The following CRTC3 variants were observed in gnomAD, a reference collection of about 807,000 sequenced individuals.
CRTC3 encodes the protein CREB regulated transcription coactivator 3.
In CRTC3, 26 loss-of-function variants were observed where a neutral mutation model predicts 74.5. The observed-to-expected ratio is 0.35, with a 90% CI of 0.26 to 0.48. The LOEUF is 0.48. Ranked by LOEUF, CRTC3 falls within the 20% of genes least tolerant of loss-of-function variation. The pLI is 0.99. For missense variants in CRTC3, 760 were observed against 787.3 expected (o/e 0.97, Z 0.41); for synonymous variants, 377 against 325.8 (o/e 1.16, Z -1.69).
intron 2 of CRTC3, among the ~76,000 whole-genome samples, chr15:90,574,837 A>T (rs769145657): frequency 6.6e-6 from 1 of 152,016 alleles, no homozygotes; most frequent in Non-Finnish European, 1.5e-5. Flanking sequence ...CATTTGTATT[A>T]TGTTTACCGT....
At chr15:90,589,191 G>A (rs1482257045) in intron 2 of CRTC3, among the ~76,000 whole-genome samples, 2 of 151,454 alleles carry the variant, frequency 1.3e-5, no homozygotes, top group African/African-American at 4.9e-5. Context: ...TGAGTAGCTA[G>A]GATTACAGGC....
At chr15:90,633,225 GCCTGGTTATCTATATGTATCT>G (rs972848479) in intron 11 of CRTC3, among the ~76,000 whole-genome samples, 58 of 151,786 alleles carry the variant, frequency 3.8e-4, no homozygotes, top group Non-Finnish European at 1.2e-4. Context: ...TTTTTTATTA[GCCTGGTTATCTATATGTATCT>G]ATGTGTATGA....
At chr15:90,544,485 T>C (rs1432804824) in intron 2 of CRTC3, among the ~76,000 whole-genome samples, 1 of 152,232 alleles carries the variant, frequency 6.6e-6, no homozygotes, top group East Asian at 1.9e-4. Flanking sequence ...CAGTAGTTCA[T>C]TTCTTTTTAT....
intron 2 of CRTC3, among the ~76,000 whole-genome samples, chr15:90,561,495 C>T (rs1022867825): frequency 6.6e-6 from 1 of 152,198 alleles, no homozygotes; most frequent in Non-Finnish European, 1.5e-5. Flanking sequence ...GTGCAGCTTT[C>T]AAGAGAGGCA....
chr15:90,613,336 C>CTAA (rs1968411686), intron 6 of CRTC3, among the ~76,000 whole-genome samples: 1 of 152,194 alleles, frequency 6.6e-6, no homozygotes, highest in Non-Finnish European at 1.5e-5. Context: ...CTTTCAGTCA[C>CTAA]TTACTTAGAG....
intron 2 of CRTC3, among the ~76,000 whole-genome samples, chr15:90,572,471 A>G (rs1967294049): frequency 6.6e-6 from 1 of 152,216 alleles, no homozygotes; most frequent in Non-Finnish European, 1.5e-5. Flanking sequence ...AAATTAAGGT[A>G]GATATTACCG....
chr15:90,630,156 A>T (rs1968985278), intron 11 of CRTC3, among the ~76,000 whole-genome samples: 1 of 152,220 alleles, frequency 6.6e-6, no homozygotes, highest in Non-Finnish European at 1.5e-5. Context: ...AGAGAATGCC[A>T]TCCAGGTAAG....
chr15:90,549,970 C>G (rs1731389964), intron 2 of CRTC3, among the ~76,000 whole-genome samples: 1 of 150,494 alleles, frequency 6.6e-6, no homozygotes, highest in Non-Finnish European at 1.5e-5. Context: ...TCCCAAAGTG[C>G]TGGGATTACA....
chr15:90,607,198 G>A lies in CRTC3; in HGVS notation c.477-180G>A, dbSNP rs1968245198. On this transcript the variant is annotated intron_variant, in intron 5 of 14. Transcript: ENST00000268184. ...AGTTAAAATATTCTGGAGTGTGGGC[G>A]ATCCTCAGAGGCTGTTAATTGATAT... Among the ~76,000 whole-genome samples, 6 of 152,332 alleles carry A rather than the reference G, an allele frequency of 3.9e-5. No homozygotes were observed. In the South Asian group the frequency reaches 6.2e-4, roughly 16 times the overall value.
intron 2 of CRTC3, among the ~76,000 whole-genome samples, chr15:90,569,029 G>A (rs1967193329): frequency 6.6e-6 from 1 of 150,888 alleles, no homozygotes; most frequent in African/African-American, 2.4e-5. Context: ...GTTTCTCCCG[G>A]TCACCCAGGC....
At chr15:90,601,247 A>G (rs1968061027) in intron 3 of CRTC3, among the ~76,000 whole-genome samples, 1 of 152,154 alleles carries the variant, frequency 6.6e-6, no homozygotes, top group African/African-American at 2.4e-5. Flanking sequence ...ATATGCTCCA[A>G]GGCATGGTAG....
chr15:90,595,722 T>G (rs182194384), intron 3 of CRTC3: 1 of 152,204 alleles, frequency 6.6e-6, no homozygotes, highest in South Asian at 2.1e-4. Flanking sequence ...ACGGTCTAAA[T>G]GTATAAGCAT....
chr15:90,568,574 C>T (rs1331168361), intron 2 of CRTC3, among the ~76,000 whole-genome samples: 1 of 151,074 alleles, frequency 6.6e-6, no homozygotes. Flanking sequence ...TGGTCTTGAA[C>T]TCCTGGCCTT....
At chr15:90,611,139 G>C (rs776292841) in intron 6 of CRTC3, among the ~76,000 whole-genome samples, 3 of 152,200 alleles carry the variant, frequency 2.0e-5, no homozygotes, top group Non-Finnish European at 2.9e-5. Flanking sequence ...GGCAAAAAGA[G>C]TGTCACCCAG....
Position 90,642,610 on chromosome 15 carries a change from A to G in CRTC3, c.*470A>G, listed in dbSNP as rs3743403. 60,193 of 254,846 alleles carry G rather than the reference A, an allele frequency of 0.24. 9,209 individuals carry two copies. The highest frequency in any genetic ancestry group is 0.5 in the African/African-American group (22,598 of 45,570). 15.8% of individuals were successfully genotyped at this position (254,846 alleles called of 1,614,324 possible). On this transcript the variant is annotated 3_prime_UTR_variant, in exon 15 of 15. Coordinates refer to ENST00000268184, the MANE Select transcript of CRTC3 (RefSeq NM_022769.5). ...CTCGATGCCTGCTCTGACCTGACCC[A>G]GAGGGCGAGGCCCTCCAGCGGGGGA...
chr15:90,609,890 G>T (rs553839512), intron 6 of CRTC3, among the ~76,000 whole-genome samples: 1 of 152,340 alleles, frequency 6.6e-6, no homozygotes, highest in African/African-American at 2.4e-5. Flanking sequence ...TTTCAAATCA[G>T]CAGTTAGAAA....
intron 2 of CRTC3, among the ~76,000 whole-genome samples, chr15:90,545,650 C>T (rs1305740827): frequency 1.3e-5 from 2 of 152,008 alleles, no homozygotes; most frequent in Non-Finnish European, 2.9e-5. Context: ...GATCTCGGCT[C>T]ACTGCAACCT....
chr15:90,600,779 A>G (rs952622836), intron 3 of CRTC3: 2 of 152,208 alleles, frequency 1.3e-5, no homozygotes, highest in East Asian at 3.8e-4. Context: ...TTCCACCTTA[A>G]GAAATAAAAG....
At chr15:90,641,861 G>C (rs1196115027) in intron 14 of CRTC3, 71 bp from the exon 15 acceptor site, 2 of 1,315,560 alleles carry the variant, frequency 1.5e-6, no homozygotes, top group African/African-American at 2.9e-5. Flanking sequence ...TCATCAGCTG[G>C]GTTTGCTTAG....
Sources: gnomAD v4.1 joint callset for allele counts (sites outside exome capture counted in the v4.1 genomes callset) on GRCh38, gnomAD v4.1.1 for gene constraint, MANE v1.5 for transcripts, NCBI Gene and HGNC (gene_info 2026-07-23, HGNC 2026-07-21) for gene names.